Variants in ADGRG3 observed in about 807,000 individuals in gnomAD.
The protein encoded by ADGRG3 is adhesion G protein-coupled receptor G3.
A neutral mutation model predicts 54.3 loss-of-function variants in ADGRG3; 39 were observed. The observed-to-expected ratio is 0.72, with a 90% confidence interval of 0.56 to 0.94. The LOEUF (loss-of-function observed/expected upper bound fraction) is 0.94, where lower values mean the gene tolerates loss of function less well. ADGRG3 is among the 40% of genes least tolerant of loss of function. The pLI is 0.00. For synonymous variants in ADGRG3, 312 were observed against 290.0 expected (o/e 1.08, Z -0.77); for missense variants, 654 against 694.6 (o/e 0.94, Z 0.66).
rs78742328 is a variant in ADGRG3 at position 57,673,544 on chromosome 16, C to G, written c.206+76C>G. ...GACTATCAGGAAGGGATGGGGCCAT[C>G]TTCCCCCATGGCCCCAGAAAATGTT... is the stretch of plus-strand genomic sequence containing the variant. On this transcript the variant is annotated intron_variant, in intron 2 of 11. Coordinates refer to ENST00000333493, the MANE Select transcript of ADGRG3 (RefSeq NM_170776.5). 720 of 1,368,124 alleles carry G rather than the reference C, an allele frequency of 5.3e-4. 7 individuals are homozygous for G. The African/African-American group carries it at 9.2e-3, about 17-fold the overall frequency. The allele number at this position is 1,368,124 out of a possible 1,614,324, so 84.7% of individuals were successfully genotyped here. A position where few individuals can be genotyped will look rare whatever the true frequency, so the allele number is the denominator to read the frequency against.
chr16:57,678,134 G>A (rs766055608), intron 3 of ADGRG3, 36 bp from the exon 4 acceptor site: 1 of 1,606,436 alleles, frequency 6.2e-7, no homozygotes, highest in South Asian at 1.1e-5. Flanking sequence ...GTTGGGGGGT[G>A]GGTACAGATG....
chr16:57,666,298 G>A (rs187227199), upstream of ADGRG3, among the ~76,000 whole-genome samples: 1,115 of 152,346 alleles, frequency 7.3e-3, 9 homozygotes, highest in African/African-American at 0.024. Flanking sequence ...TGCATCTGAG[G>A]CTGGCTCAGG....
At chr16:57,681,746 AG>A (rs375287521) in intron 8 of ADGRG3, among the ~76,000 whole-genome samples, 19,750 of 98,668 alleles carry the variant, frequency 0.2, 1,753 homozygotes, top group African/African-American at 0.24. Context: ...AAAAAAAAAA[AG>A]AGAGAGAGAG....
rs1427823418 is a variant in ADGRG3, at chr16:57,678,319, G to A, written c.492+3G>A. 2.5e-6 allele frequency: 4 copies of A among 1,614,182 alleles called. No individual in the cohort carries two copies. The South Asian group carries it at 4.4e-5, about 18-fold the overall frequency. On this transcript the variant is annotated splice_donor_region_variant and intron_variant, in intron 4 of 11. Transcript: ENST00000333493. ...TTGGTCCAGGGACTCTCTTCAAGGTGAGGACTCAGGGAAGCTCCAAGGTTA... is the reference window on the plus strand; with the variant it reads ...TTGGTCCAGGGACTCTCTTCAAGGTAAGGACTCAGGGAAGCTCCAAGGTTA...
intron 1 of ADGRG3, among the ~76,000 whole-genome samples, chr16:57,671,339 T>G (rs1183186027): frequency 3.5e-5 from 5 of 144,568 alleles, no homozygotes; most frequent in Admixed American, 6.8e-5. Flanking sequence ...GGAGTTTTTT[T>G]TTTTTTTTTT....
At chr16:57,670,968 G>T (rs1450109704) in intron 1 of ADGRG3, among the ~76,000 whole-genome samples, 1 of 152,138 alleles carries the variant, frequency 6.6e-6, no homozygotes, top group Non-Finnish European at 1.5e-5. Context: ...ACCACCCATC[G>T]CAGAGGGAGC....
chr16:57,670,294 A>G (rs1158601530), intron 1 of ADGRG3, among the ~76,000 whole-genome samples: 1 of 152,210 alleles, frequency 6.6e-6, no homozygotes, highest in African/African-American at 2.4e-5. Flanking sequence ...AGTGTCTTCA[A>G]AGAATAAACA....
Position 57,673,330 on chromosome 16 carries a change from A to G in ADGRG3, c.68A>G (p.Lys23Arg). ...TGCATTCCTTCCTTAGGTCAGGAAA[A>G]GCCCACCGAAGGGCCAAGAAACACC... ...LLLLPTSGQE[K>R]PTEGPRNTCL... Residue 23 changes from lysine (K) to arginine (R), a missense_variant, in exon 2 of 12, where the codon AAG becomes AGG. Coordinates refer to ENST00000333493, the MANE Select transcript of ADGRG3 (RefSeq NM_170776.5). 6.2e-7 allele frequency: 1 copy of G among 1,612,728 alleles called. No individual in the cohort carries two copies. The highest frequency in any genetic ancestry group is 8.5e-7 in the Non-Finnish European group (1 of 1,178,840).
intron 10 of ADGRG3, among the ~76,000 whole-genome samples, chr16:57,685,205 C>CT (rs1284710650): frequency 6.6e-6 from 1 of 152,166 alleles, no homozygotes; most frequent in African/African-American, 2.4e-5. Context: ...GCCCCAGGAG[C>CT]TGGAGGGGTC....
rs563994529 is a variant in ADGRG3, at chr16:57,671,577, C to T, written c.59-1744C>T. ...CTCAAACTCCTGACCTCAGGTGATC[C>T]ACCCATCTCGGCCTCCCAAAGTGCT... On this transcript the variant is annotated intron_variant, in intron 1 of 11. Coordinates refer to ENST00000333493, the MANE Select transcript of ADGRG3 (RefSeq NM_170776.5). Among the ~76,000 whole-genome samples, 5 of 152,198 alleles carry T rather than the reference C, an allele frequency of 3.3e-5. No individual in the cohort carries two copies. In the South Asian group the frequency reaches 1.0e-3, roughly 32 times the overall value.
At chr16:57,685,597 C>A (rs1400359932) in intron 10 of ADGRG3, 46 bp from the exon 11 acceptor site, 1 of 1,589,928 alleles carries the variant, frequency 6.3e-7, no homozygotes, top group South Asian at 1.1e-5. Flanking sequence ...GGTTTGCTGG[C>A]CAGAGGTACC....
chr16:57,680,480 G>T, intron 7 of ADGRG3, 25 bp from the exon 8 acceptor site: 1 of 1,598,384 alleles, frequency 6.3e-7, no homozygotes. Flanking sequence ...AACTGACGTG[G>T]TCCCGGTTCT....
intron 2 of ADGRG3, chr16:57,674,453 C>T: frequency 4.2e-6 from 1 of 236,200 alleles, no homozygotes; most frequent in Non-Finnish European, 9.3e-6. Flanking sequence ...AAGCACGTGG[C>T]TTACATTAGT....
intron 2 of ADGRG3, among the ~76,000 whole-genome samples, chr16:57,673,877 T>C (rs59976419): frequency 0.12 from 18,292 of 152,070 alleles, 1,154 homozygotes; most frequent in African/African-American, 0.13. Flanking sequence ...TAAACAATGG[T>C]GAGGATACAG....
chr16:57,678,715 A>G (rs1316880179), intron 4 of ADGRG3: 1 of 319,212 alleles, frequency 3.1e-6, no homozygotes, highest in Non-Finnish European at 6.0e-6. Flanking sequence ...GCACATGTGT[A>G]TACCAGGTAT....
intron 11 of ADGRG3, among the ~76,000 whole-genome samples, chr16:57,687,157 A>G (rs1345142722): frequency 6.6e-6 from 1 of 152,132 alleles, no homozygotes; most frequent in Non-Finnish European, 1.5e-5. Flanking sequence ...CCTGGGTCCA[A>G]ATCCTAGCCC....
chr16:57,678,535 C>A, intron 4 of ADGRG3: 1 of 578,326 alleles, frequency 1.7e-6, no homozygotes, highest in Non-Finnish European at 3.1e-6. Context: ...GATGTTTGAC[C>A]CCCACACATG....
At chr16:57,680,638 C>T (rs2048350945) in intron 8 of ADGRG3, 21 bp downstream of exon 8, 1 of 1,495,586 alleles carries the variant, frequency 6.7e-7, no homozygotes, top group Non-Finnish European at 9.3e-7. Context: ...CCCACCTCCC[C>T]ACCATGTCTC....
chr16:57,682,907 G>T (rs1346611294), intron 8 of ADGRG3, among the ~76,000 whole-genome samples: 3 of 152,202 alleles, frequency 2.0e-5, no homozygotes, highest in Admixed American at 1.3e-4. Flanking sequence ...TTCACCAATG[G>T]ATCCCTGGTC....
Sources: allele counts gnomAD v4.1 joint callset (sites outside exome capture counted in the v4.1 genomes callset), GRCh38; gene constraint gnomAD v4.1.1; transcripts MANE v1.5; gene names NCBI Gene and HGNC (gene_info 2026-07-23, HGNC 2026-07-21).